SLC43A1: variants seen among roughly 807,000 people sequenced by gnomAD.
SLC43A1 encodes the protein large neutral amino acids transporter small subunit 3.
A neutral mutation model predicts 59.5 loss-of-function variants in SLC43A1; 31 were observed. The observed-to-expected ratio is 0.52, with a 90% CI of 0.39 to 0.70. SLC43A1 has a LOEUF of 0.70. SLC43A1 is among the 30% of genes least tolerant of loss of function. The pLI, the probability that SLC43A1 is intolerant of heterozygous loss-of-function variation, is 0.00. For missense variants in SLC43A1, 598 were observed against 717.8 expected, an observed-to-expected ratio of 0.83 and a Z score of 1.91; for synonymous variants, 259 against 290.9, an observed-to-expected ratio of 0.89 and a Z score of 1.12.
chr11:57,495,875 T>C (rs1478727810), intron 7 of SLC43A1, among the ~76,000 whole-genome samples, 156 bp downstream of exon 7: 1 of 152,068 alleles, frequency 6.6e-6, no homozygotes, highest in African/African-American at 2.4e-5. Flanking sequence ...AACAGGCTCA[T>C]AGTACAGATG....
rs35730224 is a variant in SLC43A1, at chr11:57,491,720, C to A, written c.1014G>T (p.Glu338Asp). 1.5e-5 allele frequency: 25 copies of A among 1,614,262 alleles called. No homozygotes were observed. Among genetic ancestry groups the A allele is most frequent in the Non-Finnish European group, 2.0e-5 (24 of 1,180,040 alleles). ...GGGGCCTCAGCGGTGCCTCACCATG[C>A]TCCTGGCCACCAGTCACAAGGTACT... ...MLEYLVTGGQEHETNEQQQKV... is the reference protein window; with the variant it reads ...MLEYLVTGGQDHETNEQQQKV... The change falls in exon 9 of 15, where the codon GAG becomes GAT. Residue 338 changes from glutamate to aspartate, a missense_variant. Physicochemically the swap from Glu to Asp is conservative, Grantham distance 45. Coordinates refer to ENST00000278426, the MANE Select transcript of SLC43A1 (RefSeq NM_003627.6).
chr11:57,502,904 G>GAAAAT (rs1306400832), intron 2 of SLC43A1, among the ~76,000 whole-genome samples: 1 of 150,902 alleles, frequency 6.6e-6, no homozygotes, highest in African/African-American at 2.4e-5. Context: ...GAAAAGAAAA[G>GAAAAT]AAAAAGGAAA....
In SLC43A1 at chr11:57,485,252, A is replaced by G. The variant is rs373948229; in HGVS notation, c.1534-10T>C. ...GGAGGCCCAGATTCACCTTTAGGGCAAGGAGAGAGAAACAGAGTCAAGTAG... is the reference window on the plus strand; with the variant it reads ...GGAGGCCCAGATTCACCTTTAGGGCGAGGAGAGAGAAACAGAGTCAAGTAG... On this transcript the variant is annotated splice_polypyrimidine_tract_variant and intron_variant, in intron 14 of 14. Coordinates refer to ENST00000278426, the MANE Select transcript of SLC43A1 (RefSeq NM_003627.6). 1 of 1,607,382 alleles carries G rather than the reference A, an allele frequency of 6.2e-7. No individual in the cohort carries two copies. Among genetic ancestry groups the G allele is most frequent in the Non-Finnish European group, 8.5e-7 (1 of 1,176,738 alleles).
intron 8 of SLC43A1, among the ~76,000 whole-genome samples, chr11:57,492,734 A>AC (rs1373285993): frequency 0.013 from 1,041 of 78,650 alleles, 15 homozygotes; most frequent in African/African-American, 0.051. Flanking sequence ...TCTCTATTTT[A>AC]CAAAAAAAAA....
chr11:57,499,692 G>A (rs1408490629), intron 5 of SLC43A1: 2 of 152,472 alleles, frequency 1.3e-5, no homozygotes, highest in Non-Finnish European at 2.9e-5. Context: ...CAGGGGGCGG[G>A]GCCGGCCAGA....
chr11:57,509,727 AAGG>A (rs1353596898), intron 2 of SLC43A1, among the ~76,000 whole-genome samples: 9 of 150,994 alleles, frequency 6.0e-5, no homozygotes, highest in African/African-American at 2.2e-4. Flanking sequence ...GGAAAGAAGG[AAGG>A]AAGGAAGGAA....
Position 57,496,176 on chromosome 11 carries a change from G to C in SLC43A1, c.559-12C>G, listed in dbSNP as rs1355784882. 1.9e-6 allele frequency: 3 copies of C among 1,613,654 alleles called. No individual in the cohort carries two copies. The highest frequency in any genetic ancestry group is 2.2e-5 in the East Asian group (1 of 44,850). ...GCATCGTAGATCAGCTGTGAGAGGA[G>C]GGGGCAGGCCCGTGGGGGAGACTGC... On this transcript the variant is annotated splice_polypyrimidine_tract_variant and intron_variant, in intron 6 of 14. Coordinates refer to ENST00000278426, the MANE Select transcript of SLC43A1 (RefSeq NM_003627.6).
At position 57,497,741 on chromosome 11, in the gene SLC43A1, G is replaced by A. The variant is rs1377648316; in HGVS notation, c.558+12C>T. On this transcript the variant is annotated intron_variant, in intron 6 of 14. Coordinates refer to ENST00000278426, the MANE Select transcript of SLC43A1 (RefSeq NM_003627.6). ...GTGTCAAGACAAAAAGAAAACCCAG[G>A]TGGCCTCATACCTTGATTCCTGGGA... is the stretch of plus-strand genomic sequence containing the variant. The A allele has an allele frequency of 6.2e-7, 1 of 1,608,272 alleles. No homozygotes were observed. Among genetic ancestry groups the A allele is most frequent in the Admixed American group, 1.7e-5 (1 of 59,878 alleles).
chr11:57,512,866 C>A (rs939107916), intron 2 of SLC43A1, among the ~76,000 whole-genome samples: 3 of 152,068 alleles, frequency 2.0e-5, no homozygotes, highest in Non-Finnish European at 4.4e-5. Flanking sequence ...TGGCTGGATG[C>A]GGCAGATCCT....
intron 5 of SLC43A1, chr11:57,499,827 T>G (rs1590764506): frequency 6.6e-6 from 1 of 151,614 alleles, no homozygotes. Flanking sequence ...CCAGGGAGGG[T>G]CTGAGGTCAA....
intron 13 of SLC43A1, among the ~76,000 whole-genome samples, chr11:57,488,424 C>A (rs1943805348): frequency 6.6e-6 from 1 of 152,156 alleles, no homozygotes; most frequent in African/African-American, 2.4e-5. Context: ...GGTCAAGGAT[C>A]CTGCCTGCTG....
chr11:57,487,084 C>G lies in SLC43A1; in HGVS notation c.1533+11G>C. The G allele has an allele frequency of 1.2e-6, 2 of 1,613,518 alleles. No homozygotes were observed. The highest frequency in any genetic ancestry group is 1.7e-6 in the Non-Finnish European group (2 of 1,179,802). The stretch of plus-strand genomic sequence containing the variant: ...GGCTCCTGCTCCCCCCACACCAACC[C>G]TCGCTCTCACCCAGAAGGGCTCTCC... On this transcript the variant is annotated intron_variant, in intron 14 of 14. Transcript: ENST00000278426.
chr11:57,486,763 C>T lies in SLC43A1; in HGVS notation c.1533+332G>A, dbSNP rs537114618. Among the ~76,000 whole-genome samples the T allele has an allele frequency of 1.7e-4, 25 of 149,686 alleles. 1 individual carries two copies. Among genetic ancestry groups the T allele is most frequent in the Admixed American group, 5.3e-4 (8 of 15,052 alleles). ...GGCGGAGCTTGCAGTGAGCCGAGATCGCACCACTGCACTCCAGCCTGGGCA... is the reference window on the plus strand; with the variant it reads ...GGCGGAGCTTGCAGTGAGCCGAGATTGCACCACTGCACTCCAGCCTGGGCA... On this transcript the variant is annotated intron_variant, in intron 14 of 14. Coordinates refer to ENST00000278426, the MANE Select transcript of SLC43A1 (RefSeq NM_003627.6).
At chr11:57,491,389 G>A in intron 10 of SLC43A1, 27 bp from the exon 11 acceptor site, 1 of 1,572,118 alleles carries the variant, frequency 6.4e-7, no homozygotes, top group Non-Finnish European at 8.6e-7. Context: ...GGGCAGTGGG[G>A]TCAGGAACTG....
chr11:57,504,767 T>C (rs908222939), intron 2 of SLC43A1, among the ~76,000 whole-genome samples: 1 of 152,234 alleles, frequency 6.6e-6, no homozygotes, highest in Non-Finnish European at 1.5e-5. Context: ...AAAGGACATG[T>C]GCTCTTCCAC....
At position 57,514,391 on chromosome 11, in the gene SLC43A1, C is replaced by T. The variant is rs549103440; in HGVS notation, c.-13-267G>A. ...CTGCGCGCTGCAGCTTCCTAGCAGG[C>T]TGCCGGGTTCTCTCACCCAGGCCAG... On this transcript the variant is annotated intron_variant, in intron 1 of 14. Coordinates refer to ENST00000278426, the MANE Select transcript of SLC43A1 (RefSeq NM_003627.6). The surrounding 1 kb of genome is among the most constrained non-coding windows in gnomAD (Gnocchi z 5.5). 6.9e-6 allele frequency: 3 copies of T among 437,694 alleles called. No individual in the cohort carries two copies. In the Admixed American group the frequency reaches 1.2e-4, roughly 18 times the overall value. The allele number at this position is 437,694 out of a possible 1,614,324, so 27.1% of individuals were successfully genotyped here.
chr11:57,504,070 G>A (rs1590772551), intron 2 of SLC43A1, among the ~76,000 whole-genome samples: 1 of 152,080 alleles, frequency 6.6e-6, no homozygotes, highest in African/African-American at 2.4e-5. Flanking sequence ...GGTGGTGGGC[G>A]CCCGTAGTCC....
chr11:57,497,786 G>A lies in SLC43A1; in HGVS notation c.525C>T (p.Tyr175=), dbSNP rs141426221. 134 of 1,613,604 alleles carry A rather than the reference G, an allele frequency of 8.3e-5. No individual in the cohort carries two copies. The highest frequency in any genetic ancestry group is 1.1e-4 in the Non-Finnish European group (124 of 1,179,854). The change falls in exon 6 of 15, where the codon TAC becomes TAT. Residue 175 remains tyrosine (Y), a synonymous_variant. Coordinates refer to ENST00000278426, the MANE Select transcript of SLC43A1 (RefSeq NM_003627.6). ...STLMALMIGS[Y]ASSAITFPGI... ...CTGGGAACGTAATGGCAGAAGAGGC[G>A]TAAGAGCCAATCATGAGGGCCATTA... is the stretch of plus-strand genomic sequence containing the variant.
At chr11:57,488,520 G>GCACAGGAC (rs1257731697) in intron 13 of SLC43A1, among the ~76,000 whole-genome samples, 1 of 152,182 alleles carries the variant, frequency 6.6e-6, no homozygotes, top group Non-Finnish European at 1.5e-5. Context: ...ACACAGGGGA[G>GCACAGGAC]AGTCCCTCAG....
Sources: gnomAD v4.1 joint callset for allele counts (sites outside exome capture counted in the v4.1 genomes callset) on GRCh38, gnomAD v4.1.1 for gene constraint, Gnocchi (gnomAD v3.1) non-coding constraint, MANE v1.5 for transcripts, NCBI Gene and HGNC (gene_info 2026-07-23, HGNC 2026-07-21) for gene names.